Variants in EYS observed in about 807,000 individuals in gnomAD.
EYS encodes protein eyes shut homolog.
In EYS, 250 loss-of-function variants were observed where a neutral mutation model predicts 282.1. That is an observed-to-expected ratio of 0.89 (90% CI 0.80 to 0.98). The LOEUF (loss-of-function observed/expected upper bound fraction) is 0.98. Ranked by LOEUF, EYS falls within the 50% of genes least tolerant of loss-of-function variation. The pLI is 0.00. For synonymous variants in EYS, 1,355 were observed against 1,282.9 expected (o/e 1.06, Z -1.20); for missense variants, 4,016 against 3,709.0 (o/e 1.08, Z -2.15).
At position 65,501,934 on chromosome 6, in the gene EYS, G is replaced by T. The variant is rs995095381; in HGVS notation, c.-332-5941C>A. 2.6e-5 allele frequency among the ~76,000 whole-genome samples: 4 copies of T among 151,124 alleles called. No homozygotes were observed. The South Asian group carries it at 8.3e-4, about 31-fold the overall frequency. ...TTATTTGCTTTTAAAAAACAGAGCT[G>T]GTTTTATAAAATAAGATTTTAAATA... On this transcript the variant is annotated intron_variant, in intron 2 of 42. Transcript: ENST00000503581.
intron 30 of EYS, among the ~76,000 whole-genome samples, chr6:64,248,219 G>A (rs370268796): frequency 1.4e-5 from 2 of 142,790 alleles, no homozygotes; most frequent in Non-Finnish European, 3.1e-5. Context: ...GTGTGTGTGT[G>A]TATAGGTGCG....
chr6:65,079,760 T>G (rs1330219026), intron 12 of EYS, among the ~76,000 whole-genome samples: 1 of 152,080 alleles, frequency 6.6e-6, no homozygotes, highest in African/African-American at 2.4e-5. Flanking sequence ...TATACTCTAA[T>G]TTACATATAT....
At chr6:64,659,958 C>T (rs1768930859) in intron 22 of EYS, among the ~76,000 whole-genome samples, 3 of 152,126 alleles carry the variant, frequency 2.0e-5, no homozygotes. Context: ...GACCAATATC[C>T]CTGATGAATA....
intron 12 of EYS, among the ~76,000 whole-genome samples, chr6:65,073,374 G>A (rs747609374): frequency 5.3e-5 from 8 of 151,630 alleles, no homozygotes; most frequent in Non-Finnish European, 1.2e-4. Flanking sequence ...GAACACCCAA[G>A]AATGCAAGAA....
At chr6:65,037,473 T>C (rs1772804369) in intron 13 of EYS, among the ~76,000 whole-genome samples, 1 of 151,712 alleles carries the variant, frequency 6.6e-6, no homozygotes, top group African/African-American at 2.4e-5. Context: ...AAATAAAAAC[T>C]GGAAAGAAAA....
chr6:64,272,638 A>G (rs1767981492), intron 30 of EYS, among the ~76,000 whole-genome samples: 2 of 152,124 alleles, frequency 1.3e-5, no homozygotes, highest in South Asian at 4.1e-4. Flanking sequence ...CTGCAGAGAG[A>G]TCCACTGTTA....
intron 7 of EYS, among the ~76,000 whole-genome samples, chr6:65,384,918 C>T (rs1765744642): frequency 6.6e-6 from 1 of 151,704 alleles, no homozygotes; most frequent in Non-Finnish European, 1.5e-5. Flanking sequence ...GGATAGAGTG[C>T]CAGTGGATGA....
intron 12 of EYS, among the ~76,000 whole-genome samples, chr6:65,278,380 T>TG (rs1768122218): frequency 2.3e-5 from 1 of 43,120 alleles, no homozygotes; most frequent in African/African-American, 4.7e-5. Flanking sequence ...ATATATATTT[T>TG]ATAGAAATGT....
intron 12 of EYS, among the ~76,000 whole-genome samples, chr6:65,285,473 A>G (rs1452930232): frequency 2.0e-5 from 3 of 151,940 alleles, no homozygotes; most frequent in African/African-American, 7.2e-5. Context: ...TGCTTTTTAC[A>G]TTTAGTCAGC....
chr6:64,980,535 A>G (rs1434559037), intron 14 of EYS, among the ~76,000 whole-genome samples: 1 of 151,462 alleles, frequency 6.6e-6, no homozygotes, highest in Non-Finnish European at 1.5e-5. Context: ...TTTATATTAC[A>G]GCATGTCTGA....
chr6:65,386,011 G>C (rs1447153239), intron 7 of EYS, among the ~76,000 whole-genome samples: 1 of 151,818 alleles, frequency 6.6e-6, no homozygotes, highest in Non-Finnish European at 1.5e-5. Flanking sequence ...AGACACATGT[G>C]ACTTTCGGGC....
intron 29 of EYS, among the ~76,000 whole-genome samples, chr6:64,346,460 C>A (rs1259646348): frequency 1.3e-5 from 2 of 151,696 alleles, no homozygotes; most frequent in Admixed American, 6.6e-5. Context: ...GGACAAAAAA[C>A]CAAACACCAC....
At chr6:64,928,010 T>C (rs991991812) in intron 15 of EYS, among the ~76,000 whole-genome samples, 1 of 152,082 alleles carries the variant, frequency 6.6e-6, no homozygotes, top group Admixed American at 6.6e-5. Context: ...GATGGATAAG[T>C]TCTATATTTT....
rs958619052 is a variant in EYS at position 65,509,310 on chromosome 6, AT to A, written c.-332-13318del. Among the ~76,000 whole-genome samples, 124 of 152,110 alleles carry A rather than the reference AT, an allele frequency of 8.2e-4. 1 individual carries two copies. Among genetic ancestry groups the A allele is most frequent in the African/African-American group, 2.7e-3 (111 of 41,494 alleles). ...TGTAGAATTCTAGCTTTTCTCTAAGATTTTTTTCATCATAAATGGTTTATAT... is the reference window on the plus strand; with the variant it reads ...TGTAGAATTCTAGCTTTTCTCTAAGATTTTTTCATCATAAATGGTTTATAT... On this transcript the variant is annotated intron_variant, in intron 2 of 42. Coordinates refer to ENST00000503581, the MANE Select transcript of EYS (RefSeq NM_001142800.2).
chr6:64,374,210 G>C (rs1245199258), intron 29 of EYS, among the ~76,000 whole-genome samples: 18 of 142,258 alleles, frequency 1.3e-4, no homozygotes, highest in Non-Finnish European at 2.6e-4. Context: ...GGTGTGGGGG[G>C]TGGGGGATGA....
At chr6:64,083,515 C>A (rs899292749) in intron 31 of EYS, among the ~76,000 whole-genome samples, 2 of 152,018 alleles carry the variant, frequency 1.3e-5, no homozygotes, top group Non-Finnish European at 2.9e-5. Context: ...TCTGACCCTT[C>A]CAGCTTTGAA....
In EYS at chr6:65,405,173, C is replaced by T. The variant is rs1195522061; in HGVS notation, c.1056+1G>A. On this transcript the variant is annotated splice_donor_variant, in intron 6 of 42. Transcript: ENST00000503581. LOFTEE classifies it high-confidence loss of function. Reference sequence around the variant, plus strand: ...CACTTATATGTTAGATTGAGACTTACATTTGATATTTTGATGCAGTCAGTA... The same window carrying T: ...CACTTATATGTTAGATTGAGACTTATATTTGATATTTTGATGCAGTCAGTA... 3.1e-6 allele frequency: 5 copies of T among 1,607,822 alleles called. No homozygotes were observed. Among genetic ancestry groups the T allele is most frequent in the Non-Finnish European group, 4.3e-6 (5 of 1,175,068 alleles).
At chr6:64,483,863 G>C (rs1201789900) in intron 26 of EYS, among the ~76,000 whole-genome samples, 1 of 151,576 alleles carries the variant, frequency 6.6e-6, no homozygotes, top group East Asian at 1.9e-4. Context: ...TGTTTATTGT[G>C]TGCTTTCTAA....
intron 2 of EYS, among the ~76,000 whole-genome samples, chr6:65,571,353 G>T (rs1038122455): frequency 6.6e-6 from 1 of 151,986 alleles, no homozygotes; most frequent in African/African-American, 2.4e-5. Flanking sequence ...AAGTTGATAG[G>T]CAGATTTACG....
Sources: gnomAD v4.1 joint callset for allele counts (sites outside exome capture counted in the v4.1 genomes callset) on GRCh38, gnomAD v4.1.1 for gene constraint, MANE v1.5 for transcripts, NCBI Gene and HGNC (gene_info 2026-07-23, HGNC 2026-07-21) for gene names.